Variants in PIWIL3 observed in about 807,000 individuals in gnomAD.
PIWIL3 encodes piwi-like protein 3.
Under a neutral mutation model 109.7 loss-of-function variants are expected in PIWIL3, and 101 were observed. The observed-to-expected ratio is 0.92, with a 90% CI of 0.78 to 1.09. The LOEUF is 1.09. Among genes scored for constraint, PIWIL3 ranks in the 50% least tolerant of loss-of-function variants. The pLI is 0.00. For synonymous variants in PIWIL3, 373 were observed against 376.4 expected (o/e 0.99, Z 0.10); for missense variants, 1,031 against 1,072.6 (o/e 0.96, Z 0.54).
At chr22:24,736,737 A>G (rs1422494894) in intron 12 of PIWIL3, among the ~76,000 whole-genome samples, 1 of 152,236 alleles carries the variant, frequency 6.6e-6, no homozygotes, top group Non-Finnish European at 1.5e-5. Flanking sequence ...CCACCCCTGC[A>G]TGGTGCCAAG....
intron 1 of PIWIL3, among the ~76,000 whole-genome samples, chr22:24,763,458 G>T (rs9612757): frequency 0.15 from 23,295 of 151,860 alleles, 2,208 homozygotes; most frequent in Non-Finnish European, 0.21. Flanking sequence ...GTGCCACCAC[G>T]CCTGGCTAAT....
intron 1 of PIWIL3, among the ~76,000 whole-genome samples, chr22:24,767,292 T>G (rs955999367): frequency 1.3e-5 from 2 of 151,876 alleles, no homozygotes; most frequent in African/African-American, 4.8e-5. Flanking sequence ...TCCCAGCACT[T>G]TGGGAGGCTG....
chr22:24,758,083 A>AG (rs1925202255), intron 3 of PIWIL3, 44 bp from the exon 4 acceptor site: 1 of 1,574,432 alleles, frequency 6.4e-7, no homozygotes, highest in South Asian at 1.2e-5. Flanking sequence ...TAAAAAGGGA[A>AG]GAATAGAAAA....
intron 2 of PIWIL3, among the ~76,000 whole-genome samples, chr22:24,760,578 G>A (rs1458062422): frequency 6.6e-6 from 1 of 151,590 alleles, no homozygotes; most frequent in African/African-American, 2.4e-5. Flanking sequence ...ACCTGAGATC[G>A]GGAGTTCAAG....
chr22:24,728,961 C>G (rs738824), intron 14 of PIWIL3, among the ~76,000 whole-genome samples: 59,516 of 151,954 alleles, frequency 0.39, 12,956 homozygotes, highest in Non-Finnish European at 0.51. Context: ...TTTAAACAGC[C>G]TGAAAAATCA....
At chr22:24,737,889 G>A (rs1233055872) in intron 12 of PIWIL3, among the ~76,000 whole-genome samples, 2 of 152,034 alleles carry the variant, frequency 1.3e-5, no homozygotes, top group African/African-American at 2.4e-5. Context: ...GGCCGGGCGC[G>A]GTGGCTCACG....
chr22:24,770,660 T>TAAAAA (rs57209194), intron 1 of PIWIL3, among the ~76,000 whole-genome samples: 1 of 77,584 alleles, frequency 1.3e-5, no homozygotes, highest in African/African-American at 5.3e-5. Context: ...CCGTCTCTAC[T>TAAAAA]AAAAAAAAAA....
chr22:24,733,305 G>T (rs915675063), intron 14 of PIWIL3, among the ~76,000 whole-genome samples: 1 of 152,136 alleles, frequency 6.6e-6, no homozygotes, highest in Non-Finnish European at 1.5e-5. Flanking sequence ...GAAAGAAAAA[G>T]AATTTGCTGT....
In PIWIL3 at chr22:24,728,328, A is replaced by G; in HGVS notation, c.1754T>C (p.Ile585Thr). 6.2e-7 allele frequency: 1 copy of G among 1,614,156 alleles called. No homozygotes were observed. The highest frequency in any genetic ancestry group is 8.5e-7 in the Non-Finnish European group (1 of 1,180,036). ...PNDDKRRYDS[I>T]KRYLCTKCPI... The stretch of plus-strand genomic sequence containing the variant: ...GCATTTGGTACATAGGTATCTTTTT[A>G]TGCTGTCATATCTACGTTTGTCATC... Residue 585 changes from isoleucine (I) to threonine (T), a missense_variant, in exon 15 of 21, where the codon ATA becomes ACA. Physicochemically the swap from Ile to Thr is moderately conservative, Grantham distance 89 (BLOSUM62 -1). Coordinates refer to ENST00000616349, the MANE Select transcript of PIWIL3 (RefSeq NM_001255975.1).
In PIWIL3 at chr22:24,758,043, C is replaced by A. The variant is rs368907664; in HGVS notation, c.224-4G>T. On this transcript the variant is annotated splice_polypyrimidine_tract_variant and splice_region_variant and intron_variant, in intron 3 of 20. Transcript: ENST00000616349. The stretch of plus-strand genomic sequence containing the variant: ...TCAGGTCCAGGTTCCTTCACCCCTG[C>A]ATAAATGTAAACGCCAGAAGTTTAA... 2 of 1,601,308 alleles carry A rather than the reference C, an allele frequency of 1.2e-6. No individual in the cohort carries two copies. The highest frequency in any genetic ancestry group is 2.2e-5 in the East Asian group (1 of 44,706).
At chr22:24,761,131 C>T (rs1925414872) in intron 2 of PIWIL3, among the ~76,000 whole-genome samples, 1 of 151,816 alleles carries the variant, frequency 6.6e-6, no homozygotes, top group Non-Finnish European at 1.5e-5. Context: ...CACGGACACC[C>T]GTGGGGGTGT....
At chr22:24,727,709 G>A (rs934471645) in intron 16 of PIWIL3, among the ~76,000 whole-genome samples, 3 of 152,180 alleles carry the variant, frequency 2.0e-5, no homozygotes, top group Non-Finnish European at 4.4e-5. Flanking sequence ...GACAGGCATT[G>A]TCATAAACTG....
At chr22:24,744,191 A>C (rs1224934838) in intron 12 of PIWIL3, among the ~76,000 whole-genome samples, 53 of 147,440 alleles carry the variant, frequency 3.6e-4, no homozygotes, top group Middle Eastern at 3.4e-3. Flanking sequence ...AAAAAAAAAA[A>C]AAAAAAAAAA....
In PIWIL3 at chr22:24,756,555, T is replaced by C. The variant is rs546877597; in HGVS notation, c.506A>G (p.Lys169Arg). Residue 169 changes from lysine (K) to arginine (R), a missense_variant, in exon 5 of 21, where the codon AAA becomes AGA. Transcript: ENST00000616349. ...ATCAAATATATGGCGCTCTCCAAAT[T>C]TCCTTCTATGTTGATCAAGTAAAAT... The part of the protein sequence containing the change: ...RTILLDQHRR[K>R]FGERHIFDGN... 1.8e-4 allele frequency: 292 copies of C among 1,614,150 alleles called. 2 individuals are homozygous for C. The South Asian group carries it at 2.8e-3, about 16-fold the overall frequency.
chr22:24,754,716 T>C, intron 7 of PIWIL3, 68 bp downstream of exon 7: 2 of 1,289,288 alleles, frequency 1.6e-6, no homozygotes, highest in African/African-American at 1.5e-5. Flanking sequence ...AAATATGAAA[T>C]GAATAACTTT....
intron 16 of PIWIL3, among the ~76,000 whole-genome samples, chr22:24,726,970 G>T (rs146910734): frequency 3.5e-4 from 53 of 152,292 alleles, no homozygotes; most frequent in Middle Eastern, 3.4e-3. Flanking sequence ...TCTACTCTGA[G>T]AACAGAAAAT....
intron 16 of PIWIL3, among the ~76,000 whole-genome samples, chr22:24,726,541 T>A (rs892044034): frequency 2.6e-4 from 40 of 152,216 alleles, no homozygotes; most frequent in Non-Finnish European, 5.0e-4. Context: ...CGCCTCAGCC[T>A]CCCAAAGTGC....
At chr22:24,734,200 G>A in intron 13 of PIWIL3, 44 bp from the exon 14 acceptor site, 1 of 1,589,528 alleles carries the variant, frequency 6.3e-7, no homozygotes, top group East Asian at 2.2e-5. Context: ...ATACCAACCA[G>A]TGAAACAAAC....
At chr22:24,756,811 G>A in intron 4 of PIWIL3, 106 bp from the exon 5 acceptor site, 2 of 970,044 alleles carry the variant, frequency 2.1e-6, no homozygotes, top group Non-Finnish European at 3.1e-6. Context: ...TGGGCACGGT[G>A]GCTCACGCCT....
Sources: gnomAD v4.1 joint callset for allele counts (sites outside exome capture counted in the v4.1 genomes callset) on GRCh38, gnomAD v4.1.1 for gene constraint, MANE v1.5 for transcripts, NCBI Gene and HGNC (gene_info 2026-07-23, HGNC 2026-07-21) for gene names.